DRC11: variants seen among roughly 807,000 people sequenced by gnomAD.
DRC11 encodes the protein dynein regulatory complex subunit 11, also known as IQ and AAA domain-containing protein 1.
chr2:236,423,740 A>C, the DRC11 span, among the ~76,000 whole-genome samples: 2 of 152,166 alleles, frequency 1.3e-5, no homozygotes, highest in Non-Finnish European at 2.9e-5. Context: ...TGCTATAAAG[A>C]CACATGCACA....
the DRC11 span, among the ~76,000 whole-genome samples, chr2:236,459,645 G>A: frequency 6.2e-3 from 858 of 138,104 alleles, 11 homozygotes; most frequent in African/African-American, 0.023. Context: ...ACGTATATAC[G>A]TATATATGTA....
chr2:236,383,804 T>A, the DRC11 span, among the ~76,000 whole-genome samples: 2 of 151,994 alleles, frequency 1.3e-5, no homozygotes, highest in Non-Finnish European at 1.5e-5. Context: ...CCCGATGCTA[T>A]CCCTCCCCAC....
At chr2:236,489,144 T>C in the DRC11 span, among the ~76,000 whole-genome samples, 3 of 128,108 alleles carry the variant, frequency 2.3e-5, no homozygotes, top group Non-Finnish European at 4.9e-5. Context: ...GGGGCCTTTA[T>C]GGGCTCCGGG....
At chr2:236,492,273 G>C in the DRC11 span, among the ~76,000 whole-genome samples, 1 of 152,200 alleles carries the variant, frequency 6.6e-6, no homozygotes, top group South Asian at 2.1e-4. Context: ...CGCAGAATGG[G>C]TACCATTTTG....
At chr2:236,419,337 TG>T in the DRC11 span, 3 of 1,490,020 alleles carry the variant, frequency 2.0e-6, no homozygotes, top group Non-Finnish European at 2.7e-6. This position sits in a 1 kb window ranked among gnomAD's most constrained non-coding sequence, Gnocchi z 4.8. Flanking sequence ...CTGTTTTCCC[TG>T]TCTGAAAGGA....
the DRC11 span, among the ~76,000 whole-genome samples, chr2:236,493,441 A>G: frequency 6.6e-6 from 1 of 152,354 alleles, no homozygotes; most frequent in East Asian, 1.9e-4. Flanking sequence ...ATTATTTTAC[A>G]TGAACAACAT....
chr2:236,475,356 A>C, the DRC11 span, among the ~76,000 whole-genome samples: 8 of 152,146 alleles, frequency 5.3e-5, no homozygotes, highest in African/African-American at 1.9e-4. This position sits in a 1 kb window ranked among gnomAD's most constrained non-coding sequence, Gnocchi z 4.8. Flanking sequence ...TACATACCAC[A>C]CTTTTCTTTA....
chr2:236,333,037 T>G, the DRC11 span: 1 of 152,188 alleles, frequency 6.6e-6, no homozygotes, highest in East Asian at 1.9e-4. This position sits in a 1 kb window ranked among gnomAD's most constrained non-coding sequence, Gnocchi z 6.0. Flanking sequence ...CAAACTAGTC[T>G]TATCCGTAAA....
At chr2:236,360,370 G>A in the DRC11 span, among the ~76,000 whole-genome samples, 5 of 152,218 alleles carry the variant, frequency 3.3e-5, no homozygotes, top group Non-Finnish European at 5.9e-5. This position sits in a 1 kb window ranked among gnomAD's most constrained non-coding sequence, Gnocchi z 5.8. Flanking sequence ...AGGACTGAGT[G>A]AGTTAATACG....
the DRC11 span, among the ~76,000 whole-genome samples, chr2:236,450,576 C>T: frequency 6.6e-6 from 1 of 152,080 alleles, no homozygotes. Context: ...CCTCAGCCTC[C>T]CAAAGTGCTG....
the DRC11 span, among the ~76,000 whole-genome samples, chr2:236,458,783 C>T: frequency 4.6e-5 from 7 of 152,058 alleles, no homozygotes; most frequent in Admixed American, 6.6e-5. Flanking sequence ...TGGTGGCTTA[C>T]GCCTGTAATC....
At chr2:236,308,877 G>A in the DRC11 span, among the ~76,000 whole-genome samples, 1 of 152,222 alleles carries the variant, frequency 6.6e-6, no homozygotes, top group Admixed American at 6.5e-5. This position sits in a 1 kb window ranked among gnomAD's most constrained non-coding sequence, Gnocchi z 6.0. Context: ...TTATCCAACA[G>A]TTAAAATAAA....
chr2:236,357,501 TTACATATTATAAATATATTTATA>T, the DRC11 span, among the ~76,000 whole-genome samples: 1 of 127,200 alleles, frequency 7.9e-6, no homozygotes, highest in African/African-American at 3.1e-5. Flanking sequence ...AAATACATAT[TTACATATTATAAATATATTTATA>T]TATTATGAAT....
At chr2:236,365,077 G>T in the DRC11 span, among the ~76,000 whole-genome samples, 1 of 152,076 alleles carries the variant, frequency 6.6e-6, no homozygotes, top group African/African-American at 2.4e-5. This position sits in a 1 kb window ranked among gnomAD's most constrained non-coding sequence, Gnocchi z 7.4. Flanking sequence ...TTTGCCCTGC[G>T]TTGGACACCT....
At chr2:236,368,902 C>G in the DRC11 span, 1 of 152,288 alleles carries the variant, frequency 6.6e-6, no homozygotes, top group Non-Finnish European at 1.5e-5. Flanking sequence ...TAAATCTTTA[C>G]AGGTTTAATT....
chr2:236,429,617 G>A, the DRC11 span, among the ~76,000 whole-genome samples: 1 of 152,126 alleles, frequency 6.6e-6, no homozygotes, highest in East Asian at 1.9e-4. The surrounding 1 kb of genome is among the most constrained non-coding windows in gnomAD (Gnocchi z 5.9). Context: ...GCATGCAGTA[G>A]GTGCTCTGGG....
At chr2:236,387,094 A>G in the DRC11 span, among the ~76,000 whole-genome samples, 3 of 151,988 alleles carry the variant, frequency 2.0e-5, no homozygotes, top group Non-Finnish European at 4.4e-5. Flanking sequence ...TATGTGGTCA[A>G]TTTTGGAATA....
chr2:236,371,629 T>C, the DRC11 span, among the ~76,000 whole-genome samples: 1 of 152,118 alleles, frequency 6.6e-6, no homozygotes, highest in African/African-American at 2.4e-5. The surrounding 1 kb of genome is among the most constrained non-coding windows in gnomAD (Gnocchi z 5.1). Flanking sequence ...GTTTTATGGG[T>C]ATATAGAGAA....
the DRC11 span, among the ~76,000 whole-genome samples, chr2:236,394,349 T>C: frequency 7.2e-5 from 11 of 152,086 alleles, no homozygotes; most frequent in Non-Finnish European, 1.6e-4. The surrounding 1 kb of genome is among the most constrained non-coding windows in gnomAD (Gnocchi z 7.0). Context: ...AAGAGTGGGT[T>C]GGGCCAGGCG....
Sources: allele counts gnomAD v4.1 joint callset (sites outside exome capture counted in the v4.1 genomes callset), GRCh38; gene constraint gnomAD v4.1.1; non-coding constraint Gnocchi (gnomAD v3.1); transcripts MANE v1.5; gene names NCBI Gene and HGNC (gene_info 2026-07-23, HGNC 2026-07-21).